FRMD4A: variants seen among roughly 807,000 people sequenced by gnomAD.
FRMD4A encodes FERM domain-containing protein 4A.
A neutral mutation model predicts 129.1 loss-of-function variants in FRMD4A; 29 were observed. The ratio of observed to expected loss-of-function variants is 0.22; its 90% CI spans 0.17 to 0.31. FRMD4A has a LOEUF of 0.31. Among genes scored for constraint, FRMD4A ranks in the 10% least tolerant of loss-of-function variants. The pLI, the probability that FRMD4A is intolerant of heterozygous loss-of-function variation, is 1.00. For synonymous variants in FRMD4A, 634 were observed against 571.6 expected (o/e 1.11, Z -1.56); for missense variants, 1,272 against 1,375.8 (o/e 0.92, Z 1.19).
chr10:13,968,937 G>A (rs912187948), intron 2 of FRMD4A, among the ~76,000 whole-genome samples: 9 of 152,262 alleles, frequency 5.9e-5, no homozygotes, highest in African/African-American at 1.9e-4. Flanking sequence ...CAGTTCTTGC[G>A]TTCTTGGCTC....
At chr10:13,917,912 C>T (rs1224858343) in intron 2 of FRMD4A, among the ~76,000 whole-genome samples, 1 of 152,164 alleles carries the variant, frequency 6.6e-6, no homozygotes, top group East Asian at 1.9e-4. Flanking sequence ...ATTAGGATCT[C>T]AAAGAGCTGC....
At chr10:13,995,845 T>C (rs1317213670) in intron 2 of FRMD4A, among the ~76,000 whole-genome samples, 1 of 149,640 alleles carries the variant, frequency 6.7e-6, no homozygotes, top group Non-Finnish European at 1.5e-5. Context: ...CTTAATGAGC[T>C]CCTCTCCCTA....
intron 3 of FRMD4A, among the ~76,000 whole-genome samples, chr10:13,854,386 T>A (rs1444609519): frequency 6.6e-6 from 1 of 152,176 alleles, no homozygotes; most frequent in East Asian, 1.9e-4. Context: ...AAGACTGCGA[T>A]GAGGGTGGCT....
intron 2 of FRMD4A, among the ~76,000 whole-genome samples, chr10:14,138,176 A>G (rs558409490): frequency 6.6e-6 from 1 of 152,320 alleles, no homozygotes; most frequent in Admixed American, 6.5e-5. Context: ...TTCATTCACA[A>G]ACACTGATTA....
intron 2 of FRMD4A, among the ~76,000 whole-genome samples, chr10:14,141,129 C>A (rs1366854083): frequency 6.6e-6 from 1 of 152,008 alleles, no homozygotes; most frequent in African/African-American, 2.4e-5. Flanking sequence ...AGTTCATCAG[C>A]GTCAGAGGCA....
chr10:14,232,346 T>C (rs1843666284), intron 2 of FRMD4A, among the ~76,000 whole-genome samples: 1 of 152,212 alleles, frequency 6.6e-6, no homozygotes, highest in South Asian at 2.1e-4. Flanking sequence ...TTCAGTATAG[T>C]TTGAAGTTGG....
At chr10:13,770,847 C>G (rs1222214416) in intron 6 of FRMD4A, among the ~76,000 whole-genome samples, 1 of 152,170 alleles carries the variant, frequency 6.6e-6, no homozygotes, top group Non-Finnish European at 1.5e-5. Flanking sequence ...GTCCTTCTCT[C>G]ATACCCCCTC....
At chr10:13,768,397 A>G (rs188858752) in intron 6 of FRMD4A, among the ~76,000 whole-genome samples, 21 of 152,278 alleles carry the variant, frequency 1.4e-4, no homozygotes, top group African/African-American at 4.3e-4. Flanking sequence ...TTAACCAAGA[A>G]TCTTAATGAC....
At chr10:14,146,780 G>A (rs1240649699) in intron 2 of FRMD4A, among the ~76,000 whole-genome samples, 1 of 152,152 alleles carries the variant, frequency 6.6e-6, no homozygotes, top group Admixed American at 6.5e-5. Context: ...CATGAATTAA[G>A]TACCTTTGTC....
chr10:13,857,384 C>T (rs2094228057), intron 3 of FRMD4A, among the ~76,000 whole-genome samples: 2 of 152,050 alleles, frequency 1.3e-5, no homozygotes, highest in African/African-American at 4.8e-5. Flanking sequence ...TAGAATTATA[C>T]ATGTACTATG....
chr10:13,843,107 TC>T (rs1197702867), intron 3 of FRMD4A, among the ~76,000 whole-genome samples: 2 of 152,178 alleles, frequency 1.3e-5, no homozygotes, highest in African/African-American at 4.8e-5. Flanking sequence ...TCTGCACTCT[TC>T]CCTGTGTTCA....
At chr10:14,081,843 C>G (rs1835946245) in intron 2 of FRMD4A, among the ~76,000 whole-genome samples, 1 of 152,192 alleles carries the variant, frequency 6.6e-6, no homozygotes, top group South Asian at 2.1e-4. Context: ...GTCATTGACT[C>G]CAAAGACCAT....
At chr10:14,239,767 G>C (rs61836095) in intron 2 of FRMD4A, among the ~76,000 whole-genome samples, 2,065 of 152,330 alleles carry the variant, frequency 0.014, 32 homozygotes, top group Middle Eastern at 0.041. Context: ...GACTGGCCAA[G>C]TGGAACAGAG....
At chr10:13,829,168 G>T (rs1041940625) in intron 3 of FRMD4A, among the ~76,000 whole-genome samples, 1 of 152,200 alleles carries the variant, frequency 6.6e-6, no homozygotes, top group African/African-American at 2.4e-5. Flanking sequence ...GAATGAAGGA[G>T]TGAATGGTGA....
intron 2 of FRMD4A, among the ~76,000 whole-genome samples, chr10:14,092,129 G>A (rs1836695207): frequency 6.6e-6 from 1 of 152,160 alleles, no homozygotes; most frequent in Non-Finnish European, 1.5e-5. Context: ...ACCAGGTGGG[G>A]CTTGAGTGGT....
In FRMD4A at chr10:13,684,853, G is replaced by A. The variant is rs112551889; in HGVS notation, c.1117+9045C>T. ...AACTAAAGAAGGGAAATGACAATCC[G>A]TCTCTTTAGACCTTAGAGAAAAAAA... On this transcript the variant is annotated intron_variant, in intron 15 of 24. Coordinates refer to ENST00000357447, the MANE Select transcript of FRMD4A (RefSeq NM_018027.5). 1.0e-4 allele frequency: 101 copies of A among 979,244 alleles called. No individual in the cohort carries two copies. The African/African-American group carries it at 1.4e-3, about 13-fold the overall frequency. 60.7% of individuals were successfully genotyped at this position (979,244 alleles called of 1,614,324 possible).
intron 2 of FRMD4A, among the ~76,000 whole-genome samples, chr10:13,892,538 T>C (rs2094712954): frequency 6.6e-6 from 1 of 152,154 alleles, no homozygotes; most frequent in South Asian, 2.1e-4. Flanking sequence ...ACAGGGTATG[T>C]CTAAATGTTT....
At chr10:14,049,941 G>C (rs753302371) in intron 2 of FRMD4A, among the ~76,000 whole-genome samples, 1 of 152,158 alleles carries the variant, frequency 6.6e-6, no homozygotes, top group African/African-American at 2.4e-5. Flanking sequence ...CTGCACACTT[G>C]CCGCACTTCC....
chr10:14,183,311 T>C (rs921442357), intron 2 of FRMD4A, among the ~76,000 whole-genome samples: 2 of 152,252 alleles, frequency 1.3e-5, no homozygotes, highest in Non-Finnish European at 2.9e-5. Context: ...TTAATTTATT[T>C]AGAAATCTGC....
Sources: gnomAD v4.1 joint callset for allele counts (sites outside exome capture counted in the v4.1 genomes callset) on GRCh38, gnomAD v4.1.1 for gene constraint, MANE v1.5 for transcripts, NCBI Gene and HGNC (gene_info 2026-07-23, HGNC 2026-07-21) for gene names.